The following WDR7 variants were observed in gnomAD, a reference collection of about 807,000 sequenced individuals.
WDR7 encodes the protein WD repeat-containing protein 7.
A neutral mutation model predicts 169.4 loss-of-function variants in WDR7; 46 were observed. The ratio of observed to expected loss-of-function variants is 0.27; its 90% CI spans 0.21 to 0.35. WDR7 has a LOEUF of 0.35. Ranked by LOEUF, WDR7 falls within the 10% of genes least tolerant of loss-of-function variation. The pLI is 1.00. For synonymous variants in WDR7, 612 were observed against 666.8 expected, an observed-to-expected ratio of 0.92 and a Z score of 1.27; for missense variants, 1,534 against 1,859.3, an observed-to-expected ratio of 0.83 and a Z score of 3.22.
chr18:56,881,529 T>C (rs1196741120), intron 21 of WDR7, among the ~76,000 whole-genome samples: 4 of 152,210 alleles, frequency 2.6e-5, no homozygotes, highest in Non-Finnish European at 4.4e-5. Context: ...TTGACCATTA[T>C]GCAAACTGCT....
chr18:56,701,278 C>T (rs1568146039), intron 12 of WDR7, among the ~76,000 whole-genome samples: 1 of 152,186 alleles, frequency 6.6e-6, no homozygotes, highest in African/African-American at 2.4e-5. Flanking sequence ...TGACTAACTA[C>T]ATATTGACTT....
intron 25 of WDR7, among the ~76,000 whole-genome samples, chr18:56,958,503 AT>A (rs1206305666): frequency 1.8e-4 from 28 of 152,178 alleles, no homozygotes; most frequent in Admixed American, 1.2e-3. Context: ...AATATATTTT[AT>A]TGTGTATATT....
At position 56,672,664 on chromosome 18, in the gene WDR7, T is replaced by C. The variant is rs1232229581; in HGVS notation, c.149T>C (p.Val50Ala). ...CAAATATGTCTCTGGGATCTTTCAG[T>C]AGAACTGCAAGTGAGTATGTGAAAT... The part of the protein sequence containing the change: ...DGQICLWDLS[V>A]ELQINPRALL... Residue 50 changes from valine to alanine, a missense_variant, in exon 2 of 28, where the codon GTA becomes GCA. By Grantham distance (64) the Val-to-Ala change is moderately conservative. Coordinates refer to ENST00000254442, the MANE Select transcript of WDR7 (RefSeq NM_015285.3). 1.2e-6 allele frequency: 2 copies of C among 1,608,918 alleles called. No homozygotes were observed. Among genetic ancestry groups the C allele is most frequent in the Admixed American group, 1.7e-5 (1 of 58,828 alleles).
rs2025575750 is a variant in WDR7 at position 56,691,757 on chromosome 18, G to A, written c.906G>A (p.Lys302=). 1 of 1,612,702 alleles carries A rather than the reference G, an allele frequency of 6.2e-7. No individual in the cohort carries two copies. The highest frequency in any genetic ancestry group is 8.5e-7 in the Non-Finnish European group (1 of 1,179,688). Residue 302 remains lysine, a synonymous_variant, in exon 9 of 28, where the codon AAG becomes AAA. Coordinates refer to ENST00000254442, the MANE Select transcript of WDR7 (RefSeq NM_015285.3). ...ATTCATTCCGCAGTGATGTGGGGAAGGCAGTTGAAAATTTAATTCCTCCTG... is the reference window on the plus strand; with the variant it reads ...ATTCATTCCGCAGTGATGTGGGGAAAGCAGTTGAAAATTTAATTCCTCCTG... ...ASDSFRSDVG[K]AVENLIPPVQ...
chr18:56,933,140 G>A (rs1307601946), intron 22 of WDR7, among the ~76,000 whole-genome samples: 1 of 152,084 alleles, frequency 6.6e-6, no homozygotes, highest in Non-Finnish European at 1.5e-5. Context: ...CTTTCTCTTA[G>A]CACCTAGGGA....
intron 26 of WDR7, among the ~76,000 whole-genome samples, chr18:56,988,718 G>GCA: frequency 6.6e-6 from 1 of 151,672 alleles, no homozygotes. Context: ...TTCAGAAGAA[G>GCA]CATGGTTGTG....
In WDR7 at chr18:56,998,798, CTATT is replaced by C. The variant is rs577685512; in HGVS notation, c.4165-21943_4165-21940del. ...GTGGGTCTGAATGTGATTTAAGTGG[CTATT>C]TATATAAGAGAAATAAGTGATTATT... On this transcript the variant is annotated intron_variant, in intron 26 of 27. Transcript: ENST00000254442. Among the ~76,000 whole-genome samples, 15 of 152,182 alleles carry C rather than the reference CTATT, an allele frequency of 9.9e-5. 1 individual carries two copies. The South Asian group carries it at 3.1e-3, about 32-fold the overall frequency.
chr18:56,838,535 C>T (rs186354446), intron 20 of WDR7, among the ~76,000 whole-genome samples: 184 of 152,286 alleles, frequency 1.2e-3, no homozygotes, highest in Middle Eastern at 6.8e-3. Flanking sequence ...GATCCTGGGA[C>T]ACCCAAGAAT....
At chr18:56,973,029 A>T (rs893235407) in intron 26 of WDR7, among the ~76,000 whole-genome samples, 37 of 152,166 alleles carry the variant, frequency 2.4e-4, no homozygotes, top group African/African-American at 8.9e-4. Flanking sequence ...ATGCCCAGCT[A>T]ATTTTTCTTT....
chr18:56,846,641 G>A (rs1045678323), intron 20 of WDR7, among the ~76,000 whole-genome samples: 3 of 152,128 alleles, frequency 2.0e-5, no homozygotes, highest in African/African-American at 7.2e-5. Context: ...CCATCTCGAT[G>A]GTAATGAGTG....
At chr18:57,004,860 G>T (rs1383316319) in intron 26 of WDR7, among the ~76,000 whole-genome samples, 2 of 152,116 alleles carry the variant, frequency 1.3e-5, no homozygotes, top group Non-Finnish European at 2.9e-5. Context: ...GGAACAGGAA[G>T]TATGAGTCAG....
At chr18:56,730,422 GA>G (rs2144800724) in intron 13 of WDR7, among the ~76,000 whole-genome samples, 1 of 152,272 alleles carries the variant, frequency 6.6e-6, no homozygotes, top group Non-Finnish European at 1.5e-5. Context: ...ACTTAGACAA[GA>G]AATGCATAGA....
In WDR7 at chr18:56,681,359, A is replaced by G; in HGVS notation, c.313A>G (p.Thr105Ala). The G allele has an allele frequency of 6.3e-7, 1 of 1,595,622 alleles. No individual in the cohort carries two copies. The highest frequency in any genetic ancestry group is 8.5e-7 in the Non-Finnish European group (1 of 1,175,046). Reference protein sequence around the residue: ...DVSDGRCIEFTKLACTHTGIQ... With the variant: ...DVSDGRCIEFAKLACTHTGIQ... Reference sequence around the variant, plus strand: ...GAGTGATGGCAGATGTATTGAATTTACAAAATTAGCTTGCACACATACTGG... The same window carrying G: ...GAGTGATGGCAGATGTATTGAATTTGCAAAATTAGCTTGCACACATACTGG... Residue 105 changes from threonine (T) to alanine (A), a missense_variant, in exon 4 of 28, where the codon ACA (threonine) becomes GCA (alanine). Physicochemically the swap from Thr to Ala is moderately conservative, Grantham distance 58. Transcript: ENST00000254442.
At chr18:56,889,090 C>G (rs1291689325) in intron 21 of WDR7, among the ~76,000 whole-genome samples, 1 of 152,128 alleles carries the variant, frequency 6.6e-6, no homozygotes, top group Non-Finnish European at 1.5e-5. Flanking sequence ...GGCAGCTTTC[C>G]TTATCCTAGG....
At position 56,696,463 on chromosome 18, in the gene WDR7, G is replaced by A. The variant is rs142300617; in HGVS notation, c.1578+1G>A. ...TCTAGTTCCACCTGAAAACTGTAGTGTAAGTTGATTTATATAAAAGATTAT... is the reference window on the plus strand; with the variant it reads ...TCTAGTTCCACCTGAAAACTGTAGTATAAGTTGATTTATATAAAAGATTAT... On this transcript the variant is annotated splice_donor_variant, in intron 12 of 27. Transcript: ENST00000254442. LOFTEE classifies it high-confidence loss of function. The A allele has an allele frequency of 1.2e-6, 2 of 1,606,676 alleles. No homozygotes were observed. Among genetic ancestry groups the A allele is most frequent in the African/African-American group, 2.7e-5 (2 of 74,596 alleles).
intron 26 of WDR7, among the ~76,000 whole-genome samples, chr18:57,017,477 C>CTGTGTG (rs57440164): frequency 0.058 from 7,764 of 134,624 alleles, 244 homozygotes; most frequent in African/African-American, 0.061. Flanking sequence ...CCAAGTCATG[C>CTGTGTG]TGTGTGTGTG....
chr18:56,773,810 A>G (rs1250516212), intron 16 of WDR7, among the ~76,000 whole-genome samples: 1 of 152,162 alleles, frequency 6.6e-6, no homozygotes, highest in East Asian at 1.9e-4. Flanking sequence ...ATGCAGACTC[A>G]GTGCCGAATG....
chr18:56,749,034 GA>G (rs2043746985), intron 14 of WDR7, among the ~76,000 whole-genome samples: 1 of 151,818 alleles, frequency 6.6e-6, no homozygotes, highest in South Asian at 2.1e-4. Flanking sequence ...AGTAGATGAT[GA>G]GGTTTTTCCC....
chr18:56,656,271 C>T (rs2024768801), intron 1 of WDR7, among the ~76,000 whole-genome samples: 1 of 149,936 alleles, frequency 6.7e-6, no homozygotes, highest in Non-Finnish European at 1.5e-5. Context: ...GCATTTGATA[C>T]TGTCACTGTT....
Sources: gnomAD v4.1 joint callset for allele counts (sites outside exome capture counted in the v4.1 genomes callset) on GRCh38, gnomAD v4.1.1 for gene constraint, MANE v1.5 for transcripts, NCBI Gene and HGNC (gene_info 2026-07-23, HGNC 2026-07-21) for gene names.